The following GMDS variants were observed in gnomAD, a reference collection of about 807,000 sequenced individuals.
GMDS encodes the protein GDP-mannose 4,6-dehydratase.
A neutral mutation model predicts 49.9 loss-of-function variants in GMDS; 20 were observed. That is an observed-to-expected ratio of 0.40 (90% confidence interval 0.28 to 0.58). The LOEUF (loss-of-function observed/expected upper bound fraction) is 0.58. GMDS is among the 20% of genes least tolerant of loss of function. GMDS has a pLI of 0.42. For synonymous variants in GMDS, 177 were observed against 178.6 expected, an observed-to-expected ratio of 0.99 and a Z score of 0.07; for missense variants, 362 against 481.4, an observed-to-expected ratio of 0.75 and a Z score of 2.32.
chr6:2,031,518 G>C (rs564284749), intron 4 of GMDS, among the ~76,000 whole-genome samples: 1 of 152,252 alleles, frequency 6.6e-6, no homozygotes, highest in South Asian at 2.1e-4. Context: ...GTTGAAAAGG[G>C]TGTGTGTGTC....
At chr6:1,847,997 G>T (rs1757489986) in intron 7 of GMDS, among the ~76,000 whole-genome samples, 1 of 152,136 alleles carries the variant, frequency 6.6e-6, no homozygotes. Context: ...CCAAACCATG[G>T]GTGCTGGAGA....
At chr6:1,847,217 G>A (rs1320884825) in intron 7 of GMDS, among the ~76,000 whole-genome samples, 2 of 152,020 alleles carry the variant, frequency 1.3e-5, no homozygotes, top group African/African-American at 4.8e-5. Context: ...CACCACGCCT[G>A]GCTAATTTTC....
At chr6:2,065,939 C>T (rs1422173433) in intron 4 of GMDS, among the ~76,000 whole-genome samples, 1 of 152,068 alleles carries the variant, frequency 6.6e-6, no homozygotes, top group African/African-American at 2.4e-5. Context: ...AGATACTGCT[C>T]AAGAAGAGCA....
At chr6:1,820,275 C>T (rs1770838397) in intron 7 of GMDS, among the ~76,000 whole-genome samples, 2 of 152,094 alleles carry the variant, frequency 1.3e-5, no homozygotes, top group Non-Finnish European at 2.9e-5. Context: ...ATAAAGAATG[C>T]TTTGGTAGTA....
intron 7 of GMDS, among the ~76,000 whole-genome samples, chr6:1,919,782 A>T (rs1761623323): frequency 6.6e-6 from 1 of 152,164 alleles, no homozygotes; most frequent in South Asian, 2.1e-4. Context: ...AGTGTTAAAC[A>T]TCTTATTCTT....
intron 1 of GMDS, among the ~76,000 whole-genome samples, chr6:2,174,964 G>C (rs1012733319): frequency 3.5e-4 from 53 of 152,292 alleles, no homozygotes; most frequent in Middle Eastern, 6.8e-3. Context: ...TTCAGGACTT[G>C]GGGCCAGGTC....
At chr6:1,807,006 TG>T (rs1413979597) in intron 7 of GMDS, among the ~76,000 whole-genome samples, 24 of 151,856 alleles carry the variant, frequency 1.6e-4, no homozygotes, top group African/African-American at 5.6e-4. Context: ...GGGAGAGGAG[TG>T]GAAGCAGTTT....
intron 7 of GMDS, among the ~76,000 whole-genome samples, chr6:1,861,306 T>C (rs902512356): frequency 5.3e-5 from 8 of 152,160 alleles, no homozygotes; most frequent in African/African-American, 1.7e-4. Context: ...GAAGAGATGA[T>C]GAAACATATT....
At chr6:1,995,961 G>A (rs1158579933) in intron 4 of GMDS, among the ~76,000 whole-genome samples, 4 of 152,218 alleles carry the variant, frequency 2.6e-5, no homozygotes, top group Non-Finnish European at 4.4e-5. Flanking sequence ...ATGCTTTGCT[G>A]AAGTTGGATC....
chr6:1,750,363 G>T (rs1767669551), intron 7 of GMDS, among the ~76,000 whole-genome samples: 1 of 152,198 alleles, frequency 6.6e-6, no homozygotes, highest in Non-Finnish European at 1.5e-5. Context: ...GGTGATTTCT[G>T]CATTTCCAAC....
intron 7 of GMDS, among the ~76,000 whole-genome samples, chr6:1,816,124 A>G (rs560517031): frequency 3.3e-4 from 51 of 152,314 alleles, no homozygotes; most frequent in Non-Finnish European, 6.2e-4. Context: ...TCTGACCCTG[A>G]AGGTGGTGGG....
intron 7 of GMDS, among the ~76,000 whole-genome samples, chr6:1,780,113 A>G (rs1020096254): frequency 2.0e-5 from 3 of 152,022 alleles, no homozygotes; most frequent in Non-Finnish European, 4.4e-5. Context: ...TGAATCCGAC[A>G]CTCTTGCTCC....
At chr6:1,709,514 G>A (rs992407210) in intron 9 of GMDS, among the ~76,000 whole-genome samples, 1 of 152,248 alleles carries the variant, frequency 6.6e-6, no homozygotes, top group Non-Finnish European at 1.5e-5. Context: ...CTGTGCTGGA[G>A]AAGCCACGGT....
At chr6:1,799,868 C>T (rs541366740) in intron 7 of GMDS, among the ~76,000 whole-genome samples, 3 of 152,222 alleles carry the variant, frequency 2.0e-5, no homozygotes, top group African/African-American at 7.2e-5. Flanking sequence ...TCAACCACTA[C>T]TTCAAATACC....
At chr6:1,893,958 G>C (rs1416342163) in intron 7 of GMDS, among the ~76,000 whole-genome samples, 2 of 152,220 alleles carry the variant, frequency 1.3e-5, no homozygotes, top group Non-Finnish European at 1.5e-5. Context: ...GCCTGGAGGG[G>C]CTGAGGAAAA....
intron 8 of GMDS, among the ~76,000 whole-genome samples, chr6:1,741,840 AGGTGCTT>A (rs1767284636): frequency 6.7e-6 from 1 of 148,876 alleles, no homozygotes. Flanking sequence ...AAAAAAAAGA[AGGTGCTT>A]ATATTGAGAC....
intron 8 of GMDS, among the ~76,000 whole-genome samples, chr6:1,737,218 A>C (rs1269576233): frequency 1.3e-5 from 2 of 152,196 alleles, no homozygotes; most frequent in African/African-American, 2.4e-5. Context: ...CATGTCTGAA[A>C]CATTACCCAC....
At chr6:1,978,880 A>G (rs1357416114) in intron 4 of GMDS, among the ~76,000 whole-genome samples, 1 of 152,170 alleles carries the variant, frequency 6.6e-6, no homozygotes, top group Admixed American at 6.5e-5. Flanking sequence ...TTGTGGGATG[A>G]AGCTTCCAGA....
intron 9 of GMDS, among the ~76,000 whole-genome samples, chr6:1,652,936 G>T (rs1161562864): frequency 6.7e-6 from 1 of 148,494 alleles, no homozygotes; most frequent in African/African-American, 2.5e-5. Flanking sequence ...GTGTGTCTGT[G>T]TATGTCCCTC....
Sources: gnomAD v4.1 joint callset for allele counts (sites outside exome capture counted in the v4.1 genomes callset) on GRCh38, gnomAD v4.1.1 for gene constraint, MANE v1.5 for transcripts, NCBI Gene and HGNC (gene_info 2026-07-23, HGNC 2026-07-21) for gene names.